Variants in SLC30A8 observed in about 807,000 individuals in gnomAD.
SLC30A8 encodes the protein proton-coupled zinc antiporter SLC30A8.
In SLC30A8, 27 loss-of-function variants were observed where a neutral mutation model predicts 36.9. That is an observed-to-expected ratio of 0.73 (90% confidence interval 0.54 to 1.01). The LOEUF (loss-of-function observed/expected upper bound fraction) is 1.01. Ranked by LOEUF, SLC30A8 falls within the 50% of genes least tolerant of loss-of-function variation. SLC30A8 has a pLI of 0.00. For synonymous variants in SLC30A8, 164 were observed against 172.4 expected, an observed-to-expected ratio of 0.95 and a Z score of 0.38; for missense variants, 439 against 452.0, an observed-to-expected ratio of 0.97 and a Z score of 0.26.
intron 1 of SLC30A8, among the ~76,000 whole-genome samples, chr8:116,973,391 A>G (rs1230190009): frequency 6.6e-6 from 1 of 152,194 alleles, no homozygotes; most frequent in Non-Finnish European, 1.5e-5. Flanking sequence ...CTATACACCA[A>G]TAACAGACAA....
intron 2 of SLC30A8, among the ~76,000 whole-genome samples, chr8:117,114,299 C>G (rs1297378009): frequency 6.6e-6 from 1 of 152,122 alleles, no homozygotes; most frequent in East Asian, 1.9e-4. Flanking sequence ...AGGACCATCA[C>G]TGAACCCATA....
At chr8:117,131,883 C>T (rs563776849), upstream of SLC30A8, among the ~76,000 whole-genome samples, 9 of 151,988 alleles carry the variant, frequency 5.9e-5, no homozygotes, top group African/African-American at 1.7e-4. Context: ...AGGTGAGAAA[C>T]GGAAAAACAC....
intron 2 of SLC30A8, among the ~76,000 whole-genome samples, chr8:117,061,744 G>A (rs1818029062): frequency 6.6e-6 from 1 of 152,154 alleles, no homozygotes; most frequent in African/African-American, 2.4e-5. Flanking sequence ...TCAGCTATCA[G>A]CTTTGTCTGT....
intron 2 of SLC30A8, among the ~76,000 whole-genome samples, chr8:117,097,480 AT>A (rs1445711397): frequency 7.1e-5 from 8 of 112,906 alleles, no homozygotes; most frequent in African/African-American, 2.7e-4. Flanking sequence ...AAATAAATAT[AT>A]TTTAAATATA....
intron 2 of SLC30A8, among the ~76,000 whole-genome samples, chr8:117,102,395 T>C (rs1295268971): frequency 6.6e-6 from 1 of 152,208 alleles, no homozygotes; most frequent in East Asian, 1.9e-4. Context: ...TTACCATTCA[T>C]CTCTCTGACT....
intron 2 of SLC30A8, among the ~76,000 whole-genome samples, chr8:117,076,545 GA>G (rs1021233247): frequency 2.7e-5 from 4 of 150,604 alleles, no homozygotes; most frequent in Non-Finnish European, 5.9e-5. Flanking sequence ...GAAAGAGGGA[GA>G]AAAAAAAAGT....
chr8:116,984,949 A>T (rs1041790834), intron 1 of SLC30A8, among the ~76,000 whole-genome samples: 3 of 151,986 alleles, frequency 2.0e-5, no homozygotes, highest in African/African-American at 7.2e-5. Context: ...GTACCTTTTA[A>T]TGAGTTCTCC....
intron 2 of SLC30A8, among the ~76,000 whole-genome samples, chr8:117,097,408 A>ATATATATATATATATATATAT (rs1289257794): frequency 8.1e-6 from 1 of 123,082 alleles, no homozygotes; most frequent in African/African-American, 3.3e-5. Context: ...AAAAAAAAAA[A>ATATATATATATATATATATAT]AAAAAAAAAA....
chr8:116,962,576 G>C (rs115960545), intron 1 of SLC30A8, among the ~76,000 whole-genome samples: 2,438 of 152,076 alleles, frequency 0.016, 70 homozygotes, highest in African/African-American at 0.054. Context: ...GGAATAGTTT[G>C]AGTTTGTTCA....
chr8:117,033,557 A>G (rs149228467), intron 1 of SLC30A8, among the ~76,000 whole-genome samples: 2,915 of 152,372 alleles, frequency 0.019, 31 homozygotes, highest in Non-Finnish European at 0.03. Flanking sequence ...GGGAGTGATT[A>G]CGCAGCATCA....
intron 6 of SLC30A8, among the ~76,000 whole-genome samples, chr8:117,170,378 T>G (rs1158187625): frequency 6.6e-6 from 1 of 152,162 alleles, no homozygotes; most frequent in Non-Finnish European, 1.5e-5. Context: ...GGGCTGTACT[T>G]AGACATCTCT....
chr8:117,047,713 C>T (rs940378669), intron 2 of SLC30A8, among the ~76,000 whole-genome samples: 2 of 152,228 alleles, frequency 1.3e-5, no homozygotes, highest in South Asian at 2.1e-4. Context: ...AGTAGAAGCT[C>T]GTTAAAATGA....
chr8:117,097,494 TTA>T (rs1424102884), intron 2 of SLC30A8, among the ~76,000 whole-genome samples: 2 of 110,498 alleles, frequency 1.8e-5, no homozygotes, highest in Non-Finnish European at 3.5e-5. Context: ...TAAATATATA[TTA>T]TATATAATAT....
chr8:116,963,213 C>T (rs1814487638), intron 1 of SLC30A8, among the ~76,000 whole-genome samples: 1 of 152,012 alleles, frequency 6.6e-6, no homozygotes. Flanking sequence ...TGTCAATAGC[C>T]CTCTTAGATT....
Position 117,171,088 on chromosome 8 carries a change from A to G in SLC30A8, c.884A>G (p.Asp295Gly). ...SGVKELILAVDGVLSVHSLHI... is the reference protein window; with the variant it reads ...SGVKELILAVGGVLSVHSLHI... ...GTGAAAGAGCTTATTTTAGCAGTCGACGGGGTGCTGTCTGTGCACAGCCTG... is the reference window on the plus strand; with the variant it reads ...GTGAAAGAGCTTATTTTAGCAGTCGGCGGGGTGCTGTCTGTGCACAGCCTG... The change falls in exon 7 of 8, where the codon GAC (aspartate) becomes GGC (glycine). Residue 295 changes from aspartate (D) to glycine (G), a missense_variant. By Grantham distance (94) the Asp-to-Gly change is moderately conservative. Coordinates refer to ENST00000456015, the MANE Select transcript of SLC30A8 (RefSeq NM_173851.3). 1 of 1,612,584 alleles carries G rather than the reference A, an allele frequency of 6.2e-7. No individual in the cohort carries two copies. The highest frequency in any genetic ancestry group is 8.5e-7 in the Non-Finnish European group (1 of 1,179,216).
At chr8:117,090,138 A>AT (rs1819049703) in intron 2 of SLC30A8, among the ~76,000 whole-genome samples, 1 of 151,720 alleles carries the variant, frequency 6.6e-6, no homozygotes, top group Non-Finnish European at 1.5e-5. Context: ...TAATTTTTGT[A>AT]TTTTTGGTAG....
At chr8:116,960,987 CAGAA>C (rs1173925538) in intron 1 of SLC30A8, among the ~76,000 whole-genome samples, 1 of 147,726 alleles carries the variant, frequency 6.8e-6, no homozygotes, top group African/African-American at 2.5e-5. Flanking sequence ...ATTATTAGTA[CAGAA>C]GGAAGGAAGG....
intron 1 of SLC30A8, among the ~76,000 whole-genome samples, chr8:116,996,678 C>T (rs911914773): frequency 1.3e-5 from 2 of 151,978 alleles, no homozygotes; most frequent in Non-Finnish European, 2.9e-5. Flanking sequence ...CACATTTACC[C>T]TTGTATAGGC....
intron 2 of SLC30A8, among the ~76,000 whole-genome samples, chr8:117,101,870 A>G (rs531974079): frequency 6.6e-6 from 1 of 152,294 alleles, no homozygotes; most frequent in South Asian, 2.1e-4. Flanking sequence ...CAGCTTGCAG[A>G]TGGCCTATTG....
Sources: gnomAD v4.1 joint callset for allele counts (sites outside exome capture counted in the v4.1 genomes callset) on GRCh38, gnomAD v4.1.1 for gene constraint, MANE v1.5 for transcripts, NCBI Gene and HGNC (gene_info 2026-07-23, HGNC 2026-07-21) for gene names.